Variants in USB1 observed in about 807,000 individuals in gnomAD.
USB1 encodes the protein U6 snRNA phosphodiesterase 1.
In USB1, 21 loss-of-function variants were observed where a neutral mutation model predicts 29.9. The ratio of observed to expected loss-of-function variants is 0.70; its 90% CI spans 0.50 to 1.01. The LOEUF (loss-of-function observed/expected upper bound fraction) is 1.01, where lower values mean the gene tolerates loss of function less well. USB1 is among the 50% of genes least tolerant of loss of function. The pLI is 0.00. For synonymous variants in USB1, 143 were observed against 134.9 expected, an observed-to-expected ratio of 1.06 and a Z score of -0.42; for missense variants, 330 against 347.1, an observed-to-expected ratio of 0.95 and a Z score of 0.39.
At chr16:58,005,175 A>G (rs1262581318) in intron 2 of USB1, among the ~76,000 whole-genome samples, 4 of 152,186 alleles carry the variant, frequency 2.6e-5, no homozygotes, top group African/African-American at 4.8e-5. Flanking sequence ...GCAGACTAGG[A>G]GCATGACCAC....
In USB1 at chr16:58,014,241, T is replaced by G. The variant is rs897581873; in HGVS notation, c.450-32T>G. On this transcript the variant is annotated intron_variant, in intron 3 of 6. Coordinates refer to ENST00000219281, the MANE Select transcript of USB1 (RefSeq NM_024598.4). ...ATTTTTTCTGCTTTTTTTCTTACGA[T>G]TTTTCCTGAAATATGGTCTTCTAAA... is the stretch of plus-strand genomic sequence containing the variant. 2.5e-6 allele frequency: 4 copies of G among 1,583,298 alleles called. No individual in the cohort carries two copies. The African/African-American group carries it at 5.4e-5, about 21-fold the overall frequency.
At chr16:58,019,402 GA>G (rs1963689216) in intron 6 of USB1, among the ~76,000 whole-genome samples, 1 of 152,186 alleles carries the variant, frequency 6.6e-6, no homozygotes, top group African/African-American at 2.4e-5. Flanking sequence ...GGCTTTCCCT[GA>G]AGTCCTAGCC....
chr16:58,010,834 G>A (rs1963475683), intron 3 of USB1: 1 of 599,528 alleles, frequency 1.7e-6, no homozygotes, highest in Admixed American at 2.8e-5. Flanking sequence ...CAGCACATGG[G>A]TGCGTTCTTA....
intron 2 of USB1, among the ~76,000 whole-genome samples, chr16:58,005,967 T>C (rs571009595): frequency 1.3e-4 from 20 of 152,360 alleles, no homozygotes; most frequent in Non-Finnish European, 2.5e-4. Flanking sequence ...GTTAACTTTG[T>C]ACACTGCAAC....
chr16:58,002,409 T>C (rs1359635324), intron 1 of USB1, 70 bp from the exon 2 acceptor site: 25 of 1,604,138 alleles, frequency 1.6e-5, no homozygotes, highest in African/African-American at 4.0e-5. Context: ...GTTACAACTT[T>C]TGTGGTATAT....
At chr16:58,011,787 G>C (rs1963502696) in intron 3 of USB1, 1 of 988,318 alleles carries the variant, frequency 1.0e-6, no homozygotes, top group African/African-American at 1.7e-5. Flanking sequence ...CTCCAGGCCA[G>C]GACTGTGGCT....
intron 4 of USB1, among the ~76,000 whole-genome samples, chr16:58,014,919 A>G (rs949303781): frequency 6.6e-6 from 1 of 152,020 alleles, no homozygotes; most frequent in Non-Finnish European, 1.5e-5. Flanking sequence ...TCCACTAAAA[A>G]TACAAAAAAT....
rs938485027 is a variant in USB1, at chr16:58,018,265, C to T, written c.610-707C>T. 1.6e-3 allele frequency among the ~76,000 whole-genome samples: 231 copies of T among 140,608 alleles called. 1 individual carries two copies. Among genetic ancestry groups the T allele is most frequent in the African/African-American group, 5.9e-3 (222 of 37,370 alleles). 92.2% of individuals were successfully genotyped at this position (140,608 alleles called of 152,430 possible). ...TTTTGGAGACAGAGTCTTACTCTGT[C>T]GCCCATGCTGGAGTGCAGTGGCGCA... On this transcript the variant is annotated intron_variant, in intron 5 of 6. Coordinates refer to ENST00000219281, the MANE Select transcript of USB1 (RefSeq NM_024598.4).
chr16:58,020,286 G>C lies in USB1; in HGVS notation c.*41G>C. 6.3e-7 allele frequency: 1 copy of C among 1,592,740 alleles called. No individual in the cohort carries two copies. Among genetic ancestry groups the C allele is most frequent in the Non-Finnish European group, 8.6e-7 (1 of 1,161,092 alleles). ...CTCCTCCAGGGCCCTCTGCAGACCA[G>C]GCTGAGATGGAGGAACCTGCTAAAA... On this transcript the variant is annotated 3_prime_UTR_variant, in exon 7 of 7. Coordinates refer to ENST00000219281, the MANE Select transcript of USB1 (RefSeq NM_024598.4).
In USB1 at chr16:58,001,692, AAGGAAAAGGGGACGC is replaced by A. The variant is rs1371150429; in HGVS notation, c.98+117_98+131del. 19 of 1,225,876 alleles carry A rather than the reference AAGGAAAAGGGGACGC, an allele frequency of 1.5e-5. 1 individual carries two copies. Among genetic ancestry groups the A allele is most frequent in the Non-Finnish European group, 2.2e-5 (19 of 852,668 alleles). The allele number at this position is 1,225,876 out of a possible 1,614,324, so 75.9% of individuals were successfully genotyped here. A position where few individuals can be genotyped will look rare whatever the true frequency, so the allele number is the denominator to read the frequency against. On this transcript the variant is annotated intron_variant, in intron 1 of 6. Coordinates refer to ENST00000219281, the MANE Select transcript of USB1 (RefSeq NM_024598.4). Reference sequence around the variant, plus strand: ...AGGGAGGATGCGGGGCGGCTCTGGGAAGGAAAAGGGGACGCAGGAAGAAAGGAGGATCCAGAAGAT... The same window carrying A: ...AGGGAGGATGCGGGGCGGCTCTGGGAAGGAAGAAAGGAGGATCCAGAAGAT...
chr16:58,002,407 T>TA, intron 1 of USB1, 72 bp from the exon 2 acceptor site: 1 of 1,601,672 alleles, frequency 6.2e-7, no homozygotes. Context: ...GGGTTACAAC[T>TA]TTTGTGGTAT....
Position 58,011,659 on chromosome 16 carries a change from G to A in USB1, c.449+1547G>A. 5 of 988,296 alleles carry A rather than the reference G, an allele frequency of 5.1e-6. No individual in the cohort carries two copies. In the Middle Eastern group the frequency reaches 1.6e-3, roughly 309 times the overall value. 61.2% of individuals were successfully genotyped at this position (988,296 alleles called of 1,614,324 possible). ...CAGTTGGCCCTGTGGTTGTTTCACA[G>A]GTGACCCCTCCATCCAGAGATCAGT... On this transcript the variant is annotated intron_variant, in intron 3 of 6. Coordinates refer to ENST00000219281, the MANE Select transcript of USB1 (RefSeq NM_024598.4).
chr16:58,016,469 G>A (rs1465307646), intron 4 of USB1: 1 of 153,042 alleles, frequency 6.5e-6, no homozygotes, highest in Non-Finnish European at 1.5e-5. Context: ...GGGCAGTGTT[G>A]GCCTGTGTGG....
At chr16:58,009,164 A>G (rs1597048382) in intron 2 of USB1, among the ~76,000 whole-genome samples, 1 of 152,318 alleles carries the variant, frequency 6.6e-6, no homozygotes, top group South Asian at 2.1e-4. Flanking sequence ...ACAGGCCTGT[A>G]TGAATGTGGT....
At chr16:58,000,725 A>G (rs545527052), upstream of USB1, among the ~76,000 whole-genome samples, 693 of 150,574 alleles carry the variant, frequency 4.6e-3, 7 homozygotes, top group Non-Finnish European at 7.9e-3. This position sits in a 1 kb window ranked among gnomAD's most constrained non-coding sequence, Gnocchi z 4.5. Flanking sequence ...GAGGAGCGGC[A>G]TCCCGGGCGG....
chr16:58,001,406 C>A, upstream of USB1: 3 of 1,519,218 alleles, frequency 2.0e-6, no homozygotes, highest in Non-Finnish European at 1.8e-6. Flanking sequence ...CCTGGGAGGG[C>A]GCTTCCGGCA....
At chr16:58,018,140 TG>T (rs1963660306) in intron 5 of USB1, among the ~76,000 whole-genome samples, 1 of 151,994 alleles carries the variant, frequency 6.6e-6, no homozygotes, top group Non-Finnish European at 1.5e-5. Context: ...TACCATAGAC[TG>T]GGTGGCCTAA....
chr16:58,008,865 ATATT>A (rs1963425306), intron 2 of USB1, among the ~76,000 whole-genome samples: 1 of 151,746 alleles, frequency 6.6e-6, no homozygotes, highest in South Asian at 2.1e-4. Flanking sequence ...TTTGTTCAAA[ATATT>A]TATAAAGTTT....
At position 58,021,320 on chromosome 16, in the gene USB1, C is replaced by T. The variant is rs1335553508; in HGVS notation, c.*1075C>T. 6.6e-6 allele frequency: 1 copy of T among 152,270 alleles called. No individual in the cohort carries two copies. The highest frequency in any genetic ancestry group is 1.5e-5 in the Non-Finnish European group (1 of 68,060). The allele number at this position is 152,270 out of a possible 1,614,324, so 9.4% of individuals were successfully genotyped here. On this transcript the variant is annotated 3_prime_UTR_variant, in exon 7 of 7. Coordinates refer to ENST00000219281, the MANE Select transcript of USB1 (RefSeq NM_024598.4). ...CCTGGCCAGTGGCTGAAAGCCAGGC[C>T]TCCAATGCACTGTGACCTCTGGCTT...
Sources: allele counts gnomAD v4.1 joint callset (sites outside exome capture counted in the v4.1 genomes callset), GRCh38; gene constraint gnomAD v4.1.1; non-coding constraint Gnocchi (gnomAD v3.1); transcripts MANE v1.5; gene names NCBI Gene and HGNC (gene_info 2026-07-23, HGNC 2026-07-21).